MGAT4C: variants seen among roughly 807,000 people sequenced by gnomAD.
The protein encoded by MGAT4C is MGAT4 family member C.
Under a neutral mutation model 40.1 loss-of-function variants are expected in MGAT4C, and 19 were observed. The ratio of observed to expected loss-of-function variants is 0.47; its 90% CI spans 0.33 to 0.70. MGAT4C has a LOEUF of 0.70. MGAT4C is among the 30% of genes least tolerant of loss of function. MGAT4C has a pLI of 0.02. For synonymous variants in MGAT4C, 181 were observed against 187.1 expected (o/e 0.97, Z 0.27); for missense variants, 491 against 563.2 (o/e 0.87, Z 1.30).
rs1359621755 is a variant in MGAT4C at position 86,007,762 on chromosome 12, G to T, written c.-6-18210C>A. ...AAGTCAAGTTCATTAATTTTTTATG[G>T]TATTGCTTTTGTGTATTCTAACAAA... On this transcript the variant is annotated intron_variant, in intron 2 of 4. Transcript: ENST00000611864. 4.1e-4 allele frequency among the ~76,000 whole-genome samples: 63 copies of T among 152,098 alleles called. 1 individual carries two copies. The highest frequency in any genetic ancestry group is 1.5e-5 in the Non-Finnish European group (1 of 67,894).
At chr12:86,503,929 CA>C in intron 2 of MGAT4C, among the ~76,000 whole-genome samples, 1 of 149,606 alleles carries the variant, frequency 6.7e-6, no homozygotes, top group Non-Finnish European at 1.5e-5. Context: ...ATATATTCAA[CA>C]AACAACTTAC....
At chr12:86,289,971 T>C (rs1390731830) in intron 4 of MGAT4C, among the ~76,000 whole-genome samples, 5 of 152,192 alleles carry the variant, frequency 3.3e-5, no homozygotes, top group African/African-American at 1.2e-4. Flanking sequence ...GCTTTCTTTT[T>C]TCCTTAAAAA....
chr12:86,087,461 G>C (rs76016903), intron 1 of MGAT4C, among the ~76,000 whole-genome samples: 7 of 151,742 alleles, frequency 4.6e-5, no homozygotes, highest in African/African-American at 1.7e-4. Flanking sequence ...ATGATAAATT[G>C]GTCTCTTCTT....
chr12:86,237,257 C>T (rs1951594490), intron 1 of MGAT4C, among the ~76,000 whole-genome samples: 1 of 151,506 alleles, frequency 6.6e-6, no homozygotes. Context: ...TAAGTTGTTT[C>T]CTAGCTCTAT....
chr12:86,507,663 T>C (rs1005891274), intron 2 of MGAT4C, among the ~76,000 whole-genome samples: 1 of 152,194 alleles, frequency 6.6e-6, no homozygotes, highest in African/African-American at 2.4e-5. Flanking sequence ...CACTTTCAAA[T>C]GAGTAAGCAA....
intron 2 of MGAT4C, among the ~76,000 whole-genome samples, chr12:86,436,328 T>C (rs954023869): frequency 6.6e-6 from 1 of 151,838 alleles, no homozygotes; most frequent in Non-Finnish European, 1.5e-5. Flanking sequence ...TGACAACTTA[T>C]GACAATATAA....
rs192702041 is a variant in MGAT4C at position 86,692,303 on chromosome 12, G to A, written c.-229+34906C>T. ...GTAATTACAAAAAATATCACAGTAC[G>A]TACATAGTATAATTACATGTTATCA... On this transcript the variant is annotated intron_variant, in intron 2 of 7. Coordinates refer to the MGAT4C transcript ENST00000548651. Among the ~76,000 whole-genome samples the A allele has an allele frequency of 8.1e-4, 124 of 152,176 alleles. 2 individuals are homozygous for A. In the South Asian group the frequency reaches 0.013, roughly 16 times the overall value.
intron 2 of MGAT4C, among the ~76,000 whole-genome samples, chr12:86,481,642 C>T (rs1957939427): frequency 6.6e-6 from 1 of 151,984 alleles, no homozygotes; most frequent in Non-Finnish European, 1.5e-5. Context: ...CACATGCAGA[C>T]ACGCACACAC....
At chr12:86,807,922 G>A (rs1952391288) in intron 1 of MGAT4C, among the ~76,000 whole-genome samples, 2 of 152,048 alleles carry the variant, frequency 1.3e-5, no homozygotes, top group Admixed American at 1.3e-4. Context: ...CCACATGAAT[G>A]TCTTCTTTTG....
At chr12:86,797,353 T>C (rs1235502662) in intron 1 of MGAT4C, among the ~76,000 whole-genome samples, 1 of 151,920 alleles carries the variant, frequency 6.6e-6, no homozygotes, top group Non-Finnish European at 1.5e-5. Context: ...TCAAGTTTTT[T>C]TTTTTACTTT....
intron 3 of MGAT4C, among the ~76,000 whole-genome samples, chr12:86,403,803 G>A: frequency 6.6e-6 from 1 of 152,030 alleles, no homozygotes; most frequent in East Asian, 1.9e-4. Context: ...ACTCCCAATG[G>A]GGACACTTTT....
chr12:86,365,388 C>G (rs574365407), intron 3 of MGAT4C, among the ~76,000 whole-genome samples: 30 of 152,100 alleles, frequency 2.0e-4, no homozygotes, highest in Non-Finnish European at 3.8e-4. Context: ...GCAATCATCA[C>G]AGGGGCCTGA....
At chr12:86,307,924 C>T (rs1302244864) in intron 4 of MGAT4C, among the ~76,000 whole-genome samples, 1 of 150,268 alleles carries the variant, frequency 6.7e-6, no homozygotes, top group Non-Finnish European at 1.5e-5. Flanking sequence ...AGGATGGTCT[C>T]GATTTCCTGA....
At chr12:86,708,905 G>C (rs2136628064) in intron 2 of MGAT4C, among the ~76,000 whole-genome samples, 1 of 152,284 alleles carries the variant, frequency 6.6e-6, no homozygotes, top group South Asian at 2.1e-4. Context: ...TAGGCAGAAG[G>C]GACTTGCCTT....
intron 1 of MGAT4C, among the ~76,000 whole-genome samples, chr12:86,833,231 T>C (rs1258549251): frequency 6.6e-6 from 1 of 151,864 alleles, no homozygotes; most frequent in African/African-American, 2.4e-5. Context: ...ATAAATTATG[T>C]TCCTTGGCCA....
At chr12:86,433,364 A>ATC (rs1313209515) in intron 3 of MGAT4C, among the ~76,000 whole-genome samples, 1 of 151,018 alleles carries the variant, frequency 6.6e-6, no homozygotes, top group Non-Finnish European at 1.5e-5. Flanking sequence ...GTGCATATAT[A>ATC]TATACACAGA....
At chr12:86,024,904 A>G (rs372986666) in intron 2 of MGAT4C, among the ~76,000 whole-genome samples, 1 of 151,494 alleles carries the variant, frequency 6.6e-6, no homozygotes, top group African/African-American at 2.4e-5. Flanking sequence ...TAATACCCGA[A>G]CTAGTTTTTT....
At chr12:86,459,244 T>C (rs1390430546) in intron 2 of MGAT4C, among the ~76,000 whole-genome samples, 4 of 152,206 alleles carry the variant, frequency 2.6e-5, no homozygotes, top group Non-Finnish European at 5.9e-5. Flanking sequence ...TTCCTGCTCC[T>C]GGTGTGACAC....
chr12:86,815,478 A>C (rs1292277233), intron 1 of MGAT4C, among the ~76,000 whole-genome samples: 1 of 151,808 alleles, frequency 6.6e-6, no homozygotes, highest in Non-Finnish European at 1.5e-5. Flanking sequence ...CATTTGATCC[A>C]ACAATCCCAC....
Sources: allele counts gnomAD v4.1 joint callset (sites outside exome capture counted in the v4.1 genomes callset), GRCh38; gene constraint gnomAD v4.1.1; transcripts MANE v1.5; gene names NCBI Gene and HGNC (gene_info 2026-07-23, HGNC 2026-07-21).